Variants in NCOR1 observed in about 807,000 individuals in gnomAD.
NCOR1 encodes nuclear receptor corepressor 1.
In NCOR1, 63 loss-of-function variants were observed where a neutral mutation model predicts 288.1. That is an observed-to-expected ratio of 0.22 (90% CI 0.18 to 0.27). The LOEUF (loss-of-function observed/expected upper bound fraction) is 0.27, where lower values mean the gene tolerates loss of function less well. Ranked by LOEUF, NCOR1 falls within the 10% of genes least tolerant of loss-of-function variation. The pLI is 1.00. For missense variants in NCOR1, 2,397 were observed against 3,019.2 expected, an observed-to-expected ratio of 0.79 and a Z score of 4.83; for synonymous variants, 1,007 against 1,065.9, an observed-to-expected ratio of 0.94 and a Z score of 1.08.
At chr17:16,142,352 C>T (rs551955137) in intron 11 of NCOR1, among the ~76,000 whole-genome samples, 1 of 152,048 alleles carries the variant, frequency 6.6e-6, no homozygotes, top group African/African-American at 2.4e-5. Context: ...TTGAAGTATA[C>T]AGCATGGTAA....
intron 45 of NCOR1, among the ~76,000 whole-genome samples, chr17:16,033,691 T>C (rs2151813033): frequency 6.6e-6 from 1 of 152,346 alleles, no homozygotes; most frequent in East Asian, 1.9e-4. Flanking sequence ...ACTGTGATCA[T>C]AGTTATTACA....
chr17:16,075,583 T>C lies in NCOR1; in HGVS notation c.3621A>G (p.Lys1207=). 1 of 1,614,242 alleles carries C rather than the reference T, an allele frequency of 6.2e-7. No homozygotes were observed. Residue 1207 remains lysine, a synonymous_variant, in exon 27 of 46, where the codon AAA becomes AAG. Coordinates refer to ENST00000268712, the MANE Select transcript of NCOR1 (RefSeq NM_006311.4). The part of the protein sequence containing the change: ...PEKGREEAAS[K]GHVIYEGKSG... ...TTTTGCCTTCATAAATAACATGGCC[T>C]TTGGATGCAGCTTCCTCTCTGCCTT...
chr17:16,212,223 G>A (rs576967389), intron 1 of NCOR1, among the ~76,000 whole-genome samples: 16 of 151,660 alleles, frequency 1.1e-4, no homozygotes, highest in Non-Finnish European at 2.1e-4. Context: ...CTGAGATCAC[G>A]CCACTGCCCT....
At chr17:16,096,047 A>C (rs2066550077) in intron 21 of NCOR1, among the ~76,000 whole-genome samples, 1 of 152,142 alleles carries the variant, frequency 6.6e-6, no homozygotes, top group Admixed American at 6.5e-5. Flanking sequence ...GTGCTCTCTG[A>C]AACATGTGCT....
At chr17:16,131,328 G>T (rs2075605929) in intron 14 of NCOR1, among the ~76,000 whole-genome samples, 1 of 152,172 alleles carries the variant, frequency 6.6e-6, no homozygotes, top group East Asian at 1.9e-4. Flanking sequence ...GCTTGACCTG[G>T]TAAGTGTATT....
chr17:16,086,354 A>G lies in NCOR1; in HGVS notation c.3105T>C (p.Pro1035=), dbSNP rs183687311. ...PTTRPTRPPP[P]LIPSSKTTVA... is the part of the protein sequence containing the mutation. ...CTGTGGTTTTGGATGACGGGATGAG[A>G]GGGGGCGGTGGCCTGGTTGGTCGAG... is the stretch of plus-strand genomic sequence containing the variant. The change falls in exon 23 of 46, where the codon CCT becomes CCC. Residue 1035 remains proline (P), a synonymous_variant. Transcript: ENST00000268712. 1.9e-6 allele frequency: 3 copies of G among 1,614,088 alleles called. No homozygotes were observed. Among genetic ancestry groups the G allele is most frequent in the Non-Finnish European group, 2.5e-6 (3 of 1,179,972 alleles).
chr17:16,083,307 G>A (rs1169407572), intron 23 of NCOR1, among the ~76,000 whole-genome samples: 1 of 151,460 alleles, frequency 6.6e-6, no homozygotes, highest in African/African-American at 2.4e-5. Flanking sequence ...CCCAGGAGTT[G>A]GAGGCTACAG....
At chr17:16,208,028 T>G (rs543852293) in intron 1 of NCOR1, among the ~76,000 whole-genome samples, 14 of 133,236 alleles carry the variant, frequency 1.1e-4, no homozygotes, top group East Asian at 2.2e-4. Context: ...CCGTTCCATA[T>G]TTCTTTCTTT....
chr17:16,054,033 T>C lies in NCOR1; in HGVS notation c.6392+3481A>G, dbSNP rs536263864. ...GGGCTTCTTCTTTATACCATATATA[T>C]ATAAAATTAACTCAAGATGGATTAA... On this transcript the variant is annotated intron_variant, in intron 40 of 45. Coordinates refer to ENST00000268712, the MANE Select transcript of NCOR1 (RefSeq NM_006311.4). Among the ~76,000 whole-genome samples the C allele has an allele frequency of 1.4e-3, 159 of 113,666 alleles. 1 individual carries two copies. Among genetic ancestry groups the C allele is most frequent in the Non-Finnish European group, 1.5e-3 (85 of 56,372 alleles). The allele number at this position is 113,666 out of a possible 152,430, so 74.6% of individuals were successfully genotyped here.
chr17:16,213,489 C>CAAAAAAAAAAAAAA (rs537795184), intron 1 of NCOR1, among the ~76,000 whole-genome samples: 11 of 78,128 alleles, frequency 1.4e-4, no homozygotes, highest in African/African-American at 4.2e-4. Context: ...AAGACTGTCT[C>CAAAAAAAAAAAAAA]AAAAAAAAAA....
In NCOR1 at chr17:16,194,472, C is replaced by T. The variant is rs201037902; in HGVS notation, c.98G>A (p.Arg33His). 4.4e-6 allele frequency: 7 copies of T among 1,598,884 alleles called. No homozygotes were observed. Among genetic ancestry groups the T allele is most frequent in the African/African-American group, 1.3e-5 (1 of 74,564 alleles). The stretch of plus-strand genomic sequence containing the variant: ...CTATCTGTTCCTTACCTGCTGGTGG[C>T]GGGTGTTGGGAAATGTATACTGGAC... ...HSVQYTFPNT[R>H]HQQEFAVPDY... Residue 33 changes from arginine (R) to histidine (H), a missense_variant, in exon 2 of 46, where the codon CGC becomes CAC. By Grantham distance (29) the Arg-to-His change is conservative (BLOSUM62 0). Around this residue, in one of 11 missense-constraint regions of NCOR1, gnomAD observed 55 missense variants for 69.6 expected, o/e 0.79. Coordinates refer to ENST00000268712, the MANE Select transcript of NCOR1 (RefSeq NM_006311.4).
intron 18 of NCOR1, among the ~76,000 whole-genome samples, chr17:16,116,700 T>C (rs973539218): frequency 7.7e-6 from 1 of 130,604 alleles, no homozygotes; most frequent in Non-Finnish European, 1.7e-5. Context: ...GAGAGAACCA[T>C]CATATTTTGG....
rs1458573009 is a variant in NCOR1, at chr17:16,126,180, T to C, written c.1536A>G (p.Glu512=). The change falls in exon 15 of 46, where the codon GAA becomes GAG. Residue 512 remains glutamate (E), a synonymous_variant. Transcript: ENST00000268712. ...NQQIARPSQE[E]KVEEKEEDKA... ...TATCCTCTTCTTTTTCTTCTACTTT[T>C]TCTTCTTGCGAGGGTCGAGCAATTT... The C allele has an allele frequency of 6.4e-7, 1 of 1,557,148 alleles. No individual in the cohort carries two copies. The highest frequency in any genetic ancestry group is 1.3e-5 in the South Asian group (1 of 78,672).
At chr17:16,077,524 AGGAG>A (rs2062708847) in intron 26 of NCOR1, among the ~76,000 whole-genome samples, 1 of 6,072 alleles carries the variant, frequency 1.6e-4, no homozygotes, top group Non-Finnish European at 2.7e-4. Context: ...GGAGGGGGGG[AGGAG>A]GGGGAGGAGA....
intron 42 of NCOR1, among the ~76,000 whole-genome samples, chr17:16,041,572 G>A (rs1432277171): frequency 6.7e-6 from 1 of 150,268 alleles, no homozygotes; most frequent in Admixed American, 6.6e-5. Context: ...CCGCCACCAT[G>A]CCCAGCTAAT....
chr17:16,171,568 T>C (rs1313061943), intron 4 of NCOR1, among the ~76,000 whole-genome samples: 1 of 152,200 alleles, frequency 6.6e-6, no homozygotes, highest in Non-Finnish European at 1.5e-5. Flanking sequence ...TTCTTCTTTA[T>C]GGGAGCAGTC....
intron 45 of NCOR1, among the ~76,000 whole-genome samples, chr17:16,033,892 G>A (rs762940386): frequency 2.6e-5 from 4 of 151,568 alleles, no homozygotes; most frequent in African/African-American, 9.7e-5. Context: ...TGCAATTTCC[G>A]CCTCCCAGGT....
intron 14 of NCOR1, among the ~76,000 whole-genome samples, chr17:16,131,796 C>A (rs1023945960): frequency 1.2e-4 from 18 of 152,192 alleles, no homozygotes; most frequent in Non-Finnish European, 1.5e-5. Flanking sequence ...GTGGCAATGG[C>A]AATAAAGATA....
Position 16,032,345 on chromosome 17 carries a change from G to A in NCOR1, c.7274C>T (p.Ala2425Val), listed in dbSNP as rs745396360. The A allele has an allele frequency of 5.0e-6, 8 of 1,614,090 alleles. No individual in the cohort carries two copies. In the South Asian group the frequency reaches 8.8e-5, roughly 18 times the overall value. ...QQNRIWEREP[A>V]PLLSAQYETL... The stretch of plus-strand genomic sequence containing the variant: ...CTCGTACTGTGCTGAGAGCAGTGGG[G>A]CAGGCTCTCGCTCCCAGATCCTGTT... The change falls in exon 46 of 46, where the codon GCC becomes GTC. Residue 2425 changes from alanine (A) to valine (V), a missense_variant. Physicochemically the swap from Ala to Val is moderately conservative, Grantham distance 64. Around this residue, in one of 11 missense-constraint regions of NCOR1, gnomAD observed 1,872 missense variants for 2,187.8 expected, o/e 0.86. Coordinates refer to ENST00000268712, the MANE Select transcript of NCOR1 (RefSeq NM_006311.4).
Sources: allele counts gnomAD v4.1 joint callset (sites outside exome capture counted in the v4.1 genomes callset), GRCh38; gene constraint gnomAD v4.1.1; regional missense constraint gnomAD v4.1.1; transcripts MANE v1.5; gene names NCBI Gene and HGNC (gene_info 2026-07-23, HGNC 2026-07-21).